SSBP2: variants seen among roughly 807,000 people sequenced by gnomAD.
The protein encoded by SSBP2 is single-stranded DNA-binding protein 2.
SSBP2 carries 17 observed loss-of-function variants against 61.8 expected under a neutral mutation model. The ratio of observed to expected loss-of-function variants is 0.28; its 90% CI spans 0.19 to 0.41. SSBP2 has a LOEUF of 0.41. SSBP2 is among the 10% of genes least tolerant of loss of function. The pLI, the probability that SSBP2 is intolerant of heterozygous loss-of-function variation, is 1.00. For synonymous variants in SSBP2, 139 were observed against 141.3 expected (o/e 0.98, Z 0.12); for missense variants, 310 against 458.7 (o/e 0.68, Z 2.96).
At chr5:81,440,192 A>AAAC (rs988694712) in intron 14 of SSBP2, among the ~76,000 whole-genome samples, 6 of 147,370 alleles carry the variant, frequency 4.1e-5, no homozygotes, top group South Asian at 2.1e-4. Flanking sequence ...TCTAGAGACA[A>AAAC]AACAACAACA....
intron 5 of SSBP2, among the ~76,000 whole-genome samples, chr5:81,495,062 G>GT (rs1293415898): frequency 1.3e-5 from 2 of 152,044 alleles, no homozygotes; most frequent in Non-Finnish European, 2.9e-5. Context: ...AAAAGCAGTA[G>GT]TTTCCCCTCC....
intron 2 of SSBP2, among the ~76,000 whole-genome samples, chr5:81,646,688 ATTTTTTTTTTTT>A (rs68107334): frequency 1.2e-5 from 1 of 85,946 alleles, no homozygotes; most frequent in Non-Finnish European, 2.2e-5. Context: ...TGATGATGTC[ATTTTTTTTTTTT>A]TTTTTTTTTT....
chr5:81,616,798 T>A (rs1190858739), intron 3 of SSBP2, among the ~76,000 whole-genome samples: 5,489 of 150,454 alleles, frequency 0.036, 124 homozygotes, highest in African/African-American at 0.064. Flanking sequence ...CTGACCCCTG[T>A]GCCCCGAGCA....
intron 2 of SSBP2, among the ~76,000 whole-genome samples, chr5:81,637,046 C>A (rs747019555): frequency 1.3e-5 from 2 of 152,188 alleles, no homozygotes; most frequent in African/African-American, 4.8e-5. Context: ...CTTACTATTC[C>A]TGTGAGGGTG....
intron 6 of SSBP2, among the ~76,000 whole-genome samples, chr5:81,481,619 T>TA (rs34578727): frequency 0.24 from 28,416 of 120,812 alleles, 3,051 homozygotes; most frequent in African/African-American, 0.28. Flanking sequence ...AAACTACATC[T>TA]AAAAAAAAAA....
intron 4 of SSBP2, among the ~76,000 whole-genome samples, chr5:81,548,017 T>A (rs1320073992): frequency 6.6e-6 from 1 of 152,200 alleles, no homozygotes; most frequent in Non-Finnish European, 1.5e-5. Context: ...TATAAACCCA[T>A]GGAATATACA....
upstream of SSBP2, chr5:81,751,099 C>A (rs967612514): frequency 2.6e-6 from 4 of 1,532,942 alleles, no homozygotes; most frequent in African/African-American, 5.5e-5. Flanking sequence ...CACAGCCTCC[C>A]CGGGAACAGC....
intron 15 of SSBP2, among the ~76,000 whole-genome samples, chr5:81,436,185 C>CAAAAAAAAA (rs34499225): frequency 1.8e-5 from 1 of 54,566 alleles, no homozygotes; most frequent in African/African-American, 6.9e-5. Context: ...AAGACTCCAT[C>CAAAAAAAAA]AAAAAAAAAA....
chr5:81,604,312 A>G (rs1458305246), intron 4 of SSBP2, among the ~76,000 whole-genome samples: 1 of 151,564 alleles, frequency 6.6e-6, no homozygotes, highest in Non-Finnish European at 1.5e-5. Flanking sequence ...AAAAACAACA[A>G]GATTTTTCCT....
intron 1 of SSBP2, among the ~76,000 whole-genome samples, chr5:81,708,566 G>A (rs1436495): frequency 1.1e-3 from 164 of 152,076 alleles, no homozygotes; most frequent in African/African-American, 3.6e-3. Flanking sequence ...ATTGTTTCGT[G>A]TTTTCTTAAA....
chr5:81,638,633 C>T (rs1489172026), intron 2 of SSBP2, among the ~76,000 whole-genome samples: 1 of 151,692 alleles, frequency 6.6e-6, no homozygotes, highest in Non-Finnish European at 1.5e-5. Flanking sequence ...AACTTTATTA[C>T]ATCATCATTG....
chr5:81,458,452 G>GT (rs1159423575), intron 10 of SSBP2, among the ~76,000 whole-genome samples: 1 of 152,172 alleles, frequency 6.6e-6, no homozygotes, highest in African/African-American at 2.4e-5. Flanking sequence ...AGCAAATGTG[G>GT]TAAGACATTA....
In SSBP2 at chr5:81,700,016, T is replaced by A. The variant is rs182792371; in HGVS notation, c.63-49677A>T. On this transcript the variant is annotated intron_variant, in intron 1 of 16. Coordinates refer to ENST00000320672, the MANE Select transcript of SSBP2 (RefSeq NM_012446.5). The stretch of plus-strand genomic sequence containing the variant: ...GCCACCACACCTAGCTAAATTTTTT[T>A]AATATTTTTTTGTAGTGATGAAGTT... Among the ~76,000 whole-genome samples the A allele has an allele frequency of 2.2e-4, 33 of 152,206 alleles. No individual in the cohort carries two copies. The East Asian group carries it at 2.3e-3, about 11-fold the overall frequency.
chr5:81,550,844 C>T (rs1053955071), intron 4 of SSBP2, among the ~76,000 whole-genome samples: 2 of 152,114 alleles, frequency 1.3e-5, no homozygotes, highest in African/African-American at 4.8e-5. Flanking sequence ...CACCTGTAAT[C>T]CCAGCACTTC....
intron 1 of SSBP2, among the ~76,000 whole-genome samples, chr5:81,667,286 TACACACACACACACACACACAC>T (rs71605804): frequency 1.8e-4 from 24 of 133,820 alleles, no homozygotes; most frequent in Non-Finnish European, 3.7e-4. Flanking sequence ...GGGATACAGA[TACACACACACACACACACACAC>T]ACACACACAC....
At chr5:81,451,443 T>G (rs1763765187) in intron 10 of SSBP2, among the ~76,000 whole-genome samples, 1 of 152,196 alleles carries the variant, frequency 6.6e-6, no homozygotes, top group Non-Finnish European at 1.5e-5. Flanking sequence ...ATTTATTTTT[T>G]GAGATGGAGT....
intron 1 of SSBP2, among the ~76,000 whole-genome samples, chr5:81,691,631 A>G (rs1162533520): frequency 6.6e-6 from 1 of 152,094 alleles, no homozygotes; most frequent in Non-Finnish European, 1.5e-5. Context: ...TCTATCAAAC[A>G]TTTAAAGAAG....
At chr5:81,481,294 T>C (rs552675065) in intron 6 of SSBP2, among the ~76,000 whole-genome samples, 1 of 152,260 alleles carries the variant, frequency 6.6e-6, no homozygotes, top group Admixed American at 6.5e-5. Flanking sequence ...TCACTACAGA[T>C]GGCAGCTACA....
At chr5:81,616,357 T>C (rs1447504872) in intron 3 of SSBP2, 1 of 142,872 alleles carries the variant, frequency 7.0e-6, no homozygotes, top group Non-Finnish European at 1.5e-5. Flanking sequence ...ACCTGGAAAA[T>C]CGGGTCACTC....
Sources: allele counts gnomAD v4.1 joint callset (sites outside exome capture counted in the v4.1 genomes callset), GRCh38; gene constraint gnomAD v4.1.1; transcripts MANE v1.5; gene names NCBI Gene and HGNC (gene_info 2026-07-23, HGNC 2026-07-21).